Variants in WAPL observed in about 807,000 individuals in gnomAD.
The protein encoded by WAPL is WAPL cohesin release factor.
Under a neutral mutation model 121.0 loss-of-function variants are expected in WAPL, and 5 were observed. That is an observed-to-expected ratio of 0.04 (90% confidence interval 0.02 to 0.09). WAPL has a LOEUF of 0.09. Ranked by LOEUF, WAPL falls within the 10% of genes least tolerant of loss-of-function variation. The pLI, the probability that WAPL is intolerant of heterozygous loss-of-function variation, is 1.00. For synonymous variants in WAPL, 480 were observed against 481.5 expected (o/e 1.00, Z 0.04); for missense variants, 999 against 1,410.8 (o/e 0.71, Z 4.68).
intron 4 of WAPL, among the ~76,000 whole-genome samples, chr10:86,482,460 G>A (rs989519061): frequency 3.9e-5 from 6 of 152,066 alleles, no homozygotes; most frequent in Non-Finnish European, 5.9e-5. Flanking sequence ...TGCTAAAAGC[G>A]CCAAGAAGCA....
At chr10:86,506,154 G>C (rs1470111310) in intron 2 of WAPL, among the ~76,000 whole-genome samples, 1 of 152,182 alleles carries the variant, frequency 6.6e-6, no homozygotes, top group East Asian at 1.9e-4. Flanking sequence ...AAGATTACCT[G>C]TGCCCAGAAG....
At position 86,521,524 on chromosome 10, in the gene WAPL, T is replaced by C. The variant is rs745732911; in HGVS notation, c.-182A>G. The stretch of plus-strand genomic sequence containing the variant: ...TGCTTTCGGTAAATAGGAAGCCCGG[T>C]TGGGGGGGCAGGAGCGGCGGCCCCG... On this transcript the variant is annotated 5_prime_UTR_variant, in exon 1 of 19. Transcript: ENST00000298767. 1.0e-4 allele frequency: 37 copies of C among 364,658 alleles called. No individual in the cohort carries two copies. The highest frequency in any genetic ancestry group is 7.1e-4 in the South Asian group (34 of 47,904). The allele number at this position is 364,658 out of a possible 1,614,324, so 22.6% of individuals were successfully genotyped here. A position where few individuals can be genotyped will look rare whatever the true frequency, so the allele number is the denominator to read the frequency against.
intron 16 of WAPL, chr10:86,444,042 C>T (rs1849540381): frequency 6.6e-6 from 1 of 152,192 alleles, no homozygotes; most frequent in Non-Finnish European, 1.5e-5. Flanking sequence ...CAAAAACAAC[C>T]CACAAAACCG....
At chr10:86,445,383 GAACTT>G (rs1430518168) in intron 16 of WAPL, among the ~76,000 whole-genome samples, 2 of 152,178 alleles carry the variant, frequency 1.3e-5, no homozygotes, top group African/African-American at 4.8e-5. Context: ...AGGGCGGACT[GAACTT>G]AAATTCATAA....
chr10:86,462,838 A>C (rs1399304757), intron 9 of WAPL, among the ~76,000 whole-genome samples: 1 of 152,120 alleles, frequency 6.6e-6, no homozygotes, highest in Non-Finnish European at 1.5e-5. Flanking sequence ...TCAAAGAGTA[A>C]TTTAGACTGG....
intron 2 of WAPL, among the ~76,000 whole-genome samples, chr10:86,504,194 T>C (rs1420825123): frequency 4.0e-5 from 6 of 151,396 alleles, no homozygotes; most frequent in Non-Finnish European, 7.4e-5. Context: ...GAATAAATAA[T>C]AAGCCAAGAA....
chr10:86,520,102 C>A (rs1842643746), intron 1 of WAPL, among the ~76,000 whole-genome samples: 1 of 152,186 alleles, frequency 6.6e-6, no homozygotes, highest in African/African-American at 2.4e-5. Flanking sequence ...TCGAGACCAG[C>A]CTGACCAACA....
At chr10:86,458,048 G>A (rs890763444) in intron 12 of WAPL, among the ~76,000 whole-genome samples, 2 of 152,148 alleles carry the variant, frequency 1.3e-5, no homozygotes, top group Admixed American at 1.3e-4. Flanking sequence ...AAAATAAGAG[G>A]TTAAAAAACA....
In WAPL at chr10:86,499,955, C is replaced by A. The variant is rs1352892087; in HGVS notation, c.1288G>T (p.Gly430Cys). The A allele has an allele frequency of 6.2e-7, 1 of 1,613,982 alleles. No individual in the cohort carries two copies. Among genetic ancestry groups the A allele is most frequent in the Non-Finnish European group, 8.5e-7 (1 of 1,179,982 alleles). Residue 430 changes from glycine (G) to cysteine (C), a missense_variant, in exon 3 of 19, where the codon GGT (glycine) becomes TGT (cysteine). Physicochemically the swap from Gly to Cys is radical, Grantham distance 159. Transcript: ENST00000298767. ...SKKDVKLEFF[G>C]FEDHETGGDE... is the part of the protein sequence containing the mutation. ...CCTCCTGTCTCATGATCTTCAAAAC[C>A]AAAAAATTCAAGTTTAACATCCTTT... is the stretch of plus-strand genomic sequence containing the variant.
Position 86,460,744 on chromosome 10 carries a change from G to A in WAPL, c.2483-248C>T, listed in dbSNP as rs868193764. Among the ~76,000 whole-genome samples the A allele has an allele frequency of 9.4e-5, 14 of 149,346 alleles. 2 individuals carry two copies. The South Asian group carries it at 2.1e-3, about 22-fold the overall frequency. ...CTTTTTTTTTTTGAGATGGAGTTTCGCTCTTGTTGCCCAGGCTGGAGTGCA... is the reference window on the plus strand; with the variant it reads ...CTTTTTTTTTTTGAGATGGAGTTTCACTCTTGTTGCCCAGGCTGGAGTGCA... On this transcript the variant is annotated intron_variant, in intron 10 of 18. Transcript: ENST00000298767.
At chr10:86,481,222 GA>G (rs1046706406) in intron 4 of WAPL, among the ~76,000 whole-genome samples, 3 of 151,364 alleles carry the variant, frequency 2.0e-5, no homozygotes, top group South Asian at 2.1e-4. Flanking sequence ...AGAAACTAAA[GA>G]AAAAAAATCT....
At position 86,437,456 on chromosome 10, in the gene WAPL, T is replaced by C; in HGVS notation, c.*87A>G. On this transcript the variant is annotated 3_prime_UTR_variant, in exon 19 of 19. Coordinates refer to ENST00000298767, the MANE Select transcript of WAPL (RefSeq NM_015045.5). ...GATACTGATGAATGTTCTTGGTATA[T>C]CTTCAAGGACTTCTTTCATGACTTG... 7.2e-7 allele frequency: 1 copy of C among 1,393,420 alleles called. No homozygotes were observed. The highest frequency in any genetic ancestry group is 9.9e-7 in the Non-Finnish European group (1 of 1,011,678). The allele number at this position is 1,393,420 out of a possible 1,614,324, so 86.3% of individuals were successfully genotyped here.
intron 4 of WAPL, among the ~76,000 whole-genome samples, chr10:86,485,866 G>GT (rs1841919143): frequency 6.6e-6 from 1 of 152,046 alleles, no homozygotes; most frequent in Non-Finnish European, 1.5e-5. Context: ...CCCTAGCACA[G>GT]TGAAAGTCAT....
intron 16 of WAPL, among the ~76,000 whole-genome samples, chr10:86,445,961 T>C (rs549452155): frequency 1.3e-5 from 2 of 152,280 alleles, no homozygotes; most frequent in South Asian, 4.1e-4. Context: ...ATGTCTCCTA[T>C]ATGTCTCTTC....
chr10:86,451,829 C>T, intron 15 of WAPL, 138 bp downstream of exon 15: 1 of 922,958 alleles, frequency 1.1e-6, no homozygotes, highest in South Asian at 1.7e-5. Flanking sequence ...GGAGTTCTAA[C>T]TAAAAAGGCC....
intron 11 of WAPL, 72 bp downstream of exon 11, chr10:86,460,327 G>T: frequency 1.7e-6 from 2 of 1,194,428 alleles, no homozygotes; most frequent in Non-Finnish European, 2.5e-6. Context: ...AAAATATTTG[G>T]CAGTCTCTCT....
intron 15 of WAPL, 128 bp from the exon 16 acceptor site, chr10:86,446,577 G>T: frequency 9.5e-7 from 1 of 1,050,444 alleles, no homozygotes; most frequent in Non-Finnish European, 1.3e-6. Flanking sequence ...ATAAAAAGAG[G>T]TGAGTATAAG....
At chr10:86,482,509 C>T (rs1321805608) in intron 4 of WAPL, among the ~76,000 whole-genome samples, 4 of 152,186 alleles carry the variant, frequency 2.6e-5, no homozygotes, top group Non-Finnish European at 5.9e-5. Context: ...GTCTCTAATA[C>T]CATTCTCCAC....
intron 4 of WAPL, 89 bp downstream of exon 4, chr10:86,497,112 G>T: frequency 1.9e-6 from 2 of 1,062,878 alleles, no homozygotes; most frequent in Non-Finnish European, 2.8e-6. Context: ...TTGCTATGAT[G>T]TTTATTAGTA....
Sources: allele counts gnomAD v4.1 joint callset (sites outside exome capture counted in the v4.1 genomes callset), GRCh38; gene constraint gnomAD v4.1.1; transcripts MANE v1.5; gene names NCBI Gene and HGNC (gene_info 2026-07-23, HGNC 2026-07-21).